KCNIP3: variants seen among roughly 807,000 people sequenced by gnomAD.
The protein encoded by KCNIP3 is potassium voltage-gated channel interacting protein 3.
A neutral mutation model predicts 35.0 loss-of-function variants in KCNIP3; 28 were observed. The ratio of observed to expected loss-of-function variants is 0.80; its 90% CI spans 0.59 to 1.10. The LOEUF is 1.10. KCNIP3 is among the 50% of genes least tolerant of loss of function. KCNIP3 has a pLI of 0.00. For missense variants in KCNIP3, 295 were observed against 338.4 expected (o/e 0.87, Z 1.01); for synonymous variants, 134 against 133.8 (o/e 1.00, Z -0.01).
chr2:95,318,490 T>C (rs1043315727), intron 2 of KCNIP3, among the ~76,000 whole-genome samples: 1 of 152,184 alleles, frequency 6.6e-6, no homozygotes, highest in Non-Finnish European at 1.5e-5. Context: ...CTAAGCAACC[T>C]GGAGGCCTTG....
At chr2:95,354,903 C>G (rs1414385912) in intron 2 of KCNIP3, 1 of 152,630 alleles carries the variant, frequency 6.6e-6, no homozygotes, top group Non-Finnish European at 1.5e-5. Context: ...AACTGCCAGT[C>G]CCTCAGGTCT....
rs1680149721 is a variant in KCNIP3 at position 95,375,165 on chromosome 2, T to C, written c.404T>C (p.Phe135Ser). The C allele has an allele frequency of 6.2e-7, 1 of 1,614,038 alleles. No individual in the cohort carries two copies. Among genetic ancestry groups the C allele is most frequent in the African/African-American group, 1.3e-5 (1 of 74,938 alleles). ...GCCACCACCTATGCACACTTCCTCT[T>C]CAACGCCTTTGATGCGGACGGGAAC... ...GDATTYAHFL[F>S]NAFDADGNGA... Residue 135 changes from phenylalanine to serine, a missense_variant, in exon 5 of 9, where the codon TTC becomes TCC. Coordinates refer to ENST00000295225, the MANE Select transcript of KCNIP3 (RefSeq NM_013434.5).
intron 2 of KCNIP3, among the ~76,000 whole-genome samples, chr2:95,325,644 T>C (rs1315542123): frequency 1.5e-4 from 22 of 144,274 alleles, no homozygotes; most frequent in East Asian, 2.1e-4. Flanking sequence ...CACACACGCA[T>C]ACACACAAAT....
At chr2:95,305,000 C>A (rs763790006) in intron 1 of KCNIP3, among the ~76,000 whole-genome samples, 32 of 152,312 alleles carry the variant, frequency 2.1e-4, no homozygotes, top group African/African-American at 7.0e-4. Flanking sequence ...CAGGGCCAGC[C>A]TAGGGCCGTT....
intron 2 of KCNIP3, among the ~76,000 whole-genome samples, chr2:95,369,514 C>T (rs1450998895): frequency 6.6e-6 from 1 of 152,122 alleles, no homozygotes; most frequent in East Asian, 1.9e-4. Flanking sequence ...TGTGTGAAGA[C>T]TTGTTCATAA....
intron 5 of KCNIP3, 84 bp from the exon 6 acceptor site, chr2:95,381,512 A>G: frequency 1.0e-6 from 1 of 997,536 alleles, no homozygotes; most frequent in South Asian, 1.4e-5. Context: ...GGAGGCGTGA[A>G]TTTCAGTGGA....
At position 95,297,401 on chromosome 2, in the gene KCNIP3, A is replaced by T; in HGVS notation, c.-38A>T. ...GCAGTCTTGTCTGCCTCGGCTGTGA[A>T]GTGGGGAGGCTGGCAACAGTTTTCT... On this transcript the variant is annotated 5_prime_UTR_variant, in exon 1 of 9. It adds an upstream start codon to the 5' untranslated region. Coordinates refer to ENST00000295225, the MANE Select transcript of KCNIP3 (RefSeq NM_013434.5). 7.0e-7 allele frequency: 1 copy of T among 1,419,598 alleles called. No individual in the cohort carries two copies. The allele number at this position is 1,419,598 out of a possible 1,614,324, so 87.9% of individuals were successfully genotyped here.
intron 1 of KCNIP3, among the ~76,000 whole-genome samples, chr2:95,307,284 T>G (rs1260365229): frequency 6.6e-6 from 1 of 152,128 alleles, no homozygotes; most frequent in Non-Finnish European, 1.5e-5. Flanking sequence ...ACGGATATTT[T>G]TGGAAGGCTG....
chr2:95,339,257 G>C (rs576056370), intron 2 of KCNIP3, among the ~76,000 whole-genome samples: 39 of 152,254 alleles, frequency 2.6e-4, no homozygotes, highest in African/African-American at 8.9e-4. Flanking sequence ...GGGGAGCCAG[G>C]CCTGACTGAT....
In KCNIP3 at chr2:95,347,001, C is replaced by T. The variant is rs771614880; in HGVS notation, c.182-27295C>T. ...AGGGGTGCGCCCGGGCCCCAGGGCC[C>T]CAGGCAGCCCGGCTTGCCATGGGCA... is the stretch of plus-strand genomic sequence containing the variant. On this transcript the variant is annotated intron_variant, in intron 2 of 8. Coordinates refer to ENST00000295225, the MANE Select transcript of KCNIP3 (RefSeq NM_013434.5). 3.1e-6 allele frequency: 5 copies of T among 1,589,754 alleles called. No individual in the cohort carries two copies. The Admixed American group carries it at 6.9e-5, about 22-fold the overall frequency.
intron 2 of KCNIP3, among the ~76,000 whole-genome samples, chr2:95,359,979 G>A (rs1679751790): frequency 6.6e-6 from 1 of 152,216 alleles, no homozygotes; most frequent in Non-Finnish European, 1.5e-5. Flanking sequence ...TGTGATGAGA[G>A]GGGCAGCTTG....
At chr2:95,372,495 A>C (rs1239516259) in intron 2 of KCNIP3, among the ~76,000 whole-genome samples, 1 of 152,184 alleles carries the variant, frequency 6.6e-6, no homozygotes, top group East Asian at 1.9e-4. Context: ...CAGTATGTCT[A>C]TATGGTGATG....
At chr2:95,316,816 A>C (rs1284002815) in intron 2 of KCNIP3, among the ~76,000 whole-genome samples, 1 of 152,208 alleles carries the variant, frequency 6.6e-6, no homozygotes, top group Non-Finnish European at 1.5e-5. Flanking sequence ...GGAAGAATGA[A>C]TACAGAACTG....
At chr2:95,316,639 C>A (rs1034234368) in intron 2 of KCNIP3, among the ~76,000 whole-genome samples, 2 of 152,140 alleles carry the variant, frequency 1.3e-5, no homozygotes, top group East Asian at 1.9e-4. Flanking sequence ...GTGGTGGTCC[C>A]CATGTCAGGA....
intron 2 of KCNIP3, among the ~76,000 whole-genome samples, chr2:95,346,027 A>C (rs1471525101): frequency 6.6e-6 from 1 of 152,218 alleles, no homozygotes; most frequent in Non-Finnish European, 1.5e-5. Flanking sequence ...TCAGCGACCA[A>C]GCTCTGTTCC....
intron 8 of KCNIP3, 135 bp downstream of exon 8, chr2:95,383,429 T>C (rs1573525795): frequency 1.1e-6 from 1 of 877,002 alleles, no homozygotes; most frequent in East Asian, 2.6e-5. Context: ...CCTTGGCCCC[T>C]TGCCACCTCC....
intron 2 of KCNIP3, among the ~76,000 whole-genome samples, chr2:95,346,263 C>T (rs1679355787): frequency 6.6e-6 from 1 of 151,518 alleles, no homozygotes; most frequent in Admixed American, 6.6e-5. Context: ...GCGGGGCGGG[C>T]CGGGATCAGC....
chr2:95,314,805 C>G (rs766539882), intron 2 of KCNIP3, among the ~76,000 whole-genome samples: 1 of 152,248 alleles, frequency 6.6e-6, no homozygotes, highest in African/African-American at 2.4e-5. Context: ...TGGTGAGGAG[C>G]AGCAGAGGTG....
chr2:95,322,906 T>C (rs1298635784), intron 2 of KCNIP3, among the ~76,000 whole-genome samples: 1 of 152,060 alleles, frequency 6.6e-6, no homozygotes, highest in Non-Finnish European at 1.5e-5. Flanking sequence ...CTCAAACACT[T>C]CCCCAGGGCC....
Sources: gnomAD v4.1 joint callset for allele counts (sites outside exome capture counted in the v4.1 genomes callset) on GRCh38, gnomAD v4.1.1 for gene constraint, MANE v1.5 for transcripts, NCBI Gene and HGNC (gene_info 2026-07-23, HGNC 2026-07-21) for gene names.